Variants in PCDHA4 observed in about 807,000 individuals in gnomAD.
PCDHA4 encodes protocadherin alpha-4.
Under a neutral mutation model 61.4 loss-of-function variants are expected in PCDHA4, and 49 were observed. That is an observed-to-expected ratio of 0.80 (90% CI 0.63 to 1.01). PCDHA4 has a LOEUF of 1.01. Among genes scored for constraint, PCDHA4 ranks in the 50% least tolerant of loss-of-function variants. The probability of loss-of-function intolerance (pLI) is 0.00; values close to 1 mark genes in which losing one functional copy is unlikely to be tolerated. For synonymous variants in PCDHA4, 590 were observed against 550.3 expected, an observed-to-expected ratio of 1.07 and a Z score of -1.01; for missense variants, 1,254 against 1,235.8, an observed-to-expected ratio of 1.01 and a Z score of -0.22.
intron 1 of PCDHA4, among the ~76,000 whole-genome samples, chr5:140,827,602 C>T (rs2150148400): frequency 1.3e-5 from 2 of 152,268 alleles, no homozygotes; most frequent in Non-Finnish European, 2.9e-5. Flanking sequence ...CAGATGTGGG[C>T]AAGTTTCTTT....
At chr5:140,882,367 C>G in intron 1 of PCDHA4, 22 of 1,614,228 alleles carry the variant, frequency 1.4e-5, no homozygotes, top group Non-Finnish European at 1.7e-5. Flanking sequence ...AGCTCCACTA[C>G]TCCGTCCCCG....
intron 1 of PCDHA4, chr5:140,871,144 A>T (rs1554165205): frequency 6.2e-7 from 1 of 1,613,222 alleles, no homozygotes; most frequent in African/African-American, 1.3e-5. Context: ...CTCTTCCCGG[A>T]CTTTGGCGGG....
intron 1 of PCDHA4, among the ~76,000 whole-genome samples, chr5:140,969,831 G>A (rs559083785): frequency 3.9e-4 from 60 of 152,296 alleles, no homozygotes; most frequent in African/African-American, 1.4e-3. Context: ...TGTCTACAGT[G>A]GAAATTATCT....
rs1285443769 is a variant in PCDHA4, at chr5:141,010,273, G to A, written c.*336G>A. 3.9e-6 allele frequency: 6 copies of A among 1,551,420 alleles called. No individual in the cohort carries two copies. The African/African-American group carries it at 8.2e-5, about 21-fold the overall frequency. Reference sequence around the variant, plus strand: ...CTCTGCCCTGTGCTCCGGGGATCCTGTCTTGATGACACTTGCAGGGCAGGC... The same window carrying A: ...CTCTGCCCTGTGCTCCGGGGATCCTATCTTGATGACACTTGCAGGGCAGGC... On this transcript the variant is annotated 3_prime_UTR_variant, in exon 4 of 4. Coordinates refer to ENST00000530339, the MANE Select transcript of PCDHA4 (RefSeq NM_018907.4).
intron 1 of PCDHA4, among the ~76,000 whole-genome samples, chr5:140,878,898 G>A (rs2057763490): frequency 6.6e-6 from 1 of 152,154 alleles, no homozygotes; most frequent in South Asian, 2.1e-4. Flanking sequence ...ACTACAGGCA[G>A]GCTCCACCAC....
intron 1 of PCDHA4, chr5:140,822,281 AC>A (rs1562263769): frequency 1.2e-6 from 2 of 1,614,142 alleles, no homozygotes; most frequent in Non-Finnish European, 1.7e-6. Flanking sequence ...CAATTGAGAT[AC>A]AGGTTAAATC....
chr5:140,836,653 G>T lies in PCDHA4; in HGVS notation c.2385+27081G>T, dbSNP rs2150266924. ...TCATTCTCCCAGCAGAGGCGGCAGA[G>T]GGTGTGCTCTGGGGAGGGCCCACCC... On this transcript the variant is annotated intron_variant, in intron 1 of 3. Transcript: ENST00000530339. The T allele has an allele frequency of 1.9e-5, 30 of 1,613,390 alleles. 1 individual carries two copies. Among genetic ancestry groups the T allele is most frequent in the African/African-American group, 4.0e-5 (3 of 74,806 alleles).
chr5:140,966,690 G>T, intron 1 of PCDHA4: 1 of 1,349,568 alleles, frequency 7.4e-7, no homozygotes, highest in Non-Finnish European at 9.5e-7. Context: ...AGCGGAGGCG[G>T]GGCCCGGGCG....
At chr5:140,823,033 T>C (rs2150121550) in intron 1 of PCDHA4, 1 of 1,614,218 alleles carries the variant, frequency 6.2e-7, no homozygotes, top group South Asian at 1.1e-5. Flanking sequence ...CGTGTCGGTC[T>C]ATGAGCTGGT....
At chr5:140,894,632 TATC>T (rs1161134901) in intron 1 of PCDHA4, among the ~76,000 whole-genome samples, 1 of 151,990 alleles carries the variant, frequency 6.6e-6, no homozygotes, top group Non-Finnish European at 1.5e-5. Context: ...TCTCCAATCA[TATC>T]ATTACTGAGT....
intron 1 of PCDHA4, chr5:140,841,169 T>G (rs1426185957): frequency 4.1e-6 from 4 of 972,304 alleles, no homozygotes; most frequent in Non-Finnish European, 6.0e-6. Context: ...GAAGTTCTGG[T>G]TGGTCAATGT....
intron 1 of PCDHA4, among the ~76,000 whole-genome samples, chr5:140,939,868 T>C (rs868982739): frequency 2.6e-5 from 4 of 152,340 alleles, no homozygotes; most frequent in Middle Eastern, 6.8e-3. Flanking sequence ...CATTAGGTCA[T>C]CTTTGCTAGT....
In PCDHA4 at chr5:140,998,789, C is replaced by T. The variant is rs920510450; in HGVS notation, c.2534-10838C>T. On this transcript the variant is annotated intron_variant, in intron 3 of 3. Transcript: ENST00000530339. ...ATGTTGGTCAGGCTGGTCTGGAACC[C>T]CTGACCTCAGGTGATCTGCCTGCCT... 4.6e-5 allele frequency among the ~76,000 whole-genome samples: 7 copies of T among 152,118 alleles called. 1 individual carries two copies. Among genetic ancestry groups the T allele is most frequent in the Admixed American group, 2.6e-4 (4 of 15,262 alleles).
At chr5:140,888,189 T>C (rs1554183360) in intron 1 of PCDHA4, among the ~76,000 whole-genome samples, 2 of 152,344 alleles carry the variant, frequency 1.3e-5, no homozygotes. Flanking sequence ...TTGTGAATTT[T>C]ACATTGTCGG....
At chr5:140,868,946 G>A in intron 1 of PCDHA4, 1 of 1,292,214 alleles carries the variant, frequency 7.7e-7, no homozygotes, top group Middle Eastern at 2.5e-4. Flanking sequence ...TCTGAACAGT[G>A]AGGCACTCCC....
intron 1 of PCDHA4, among the ~76,000 whole-genome samples, chr5:140,846,137 A>G (rs1253647422): frequency 1.3e-5 from 2 of 149,716 alleles, no homozygotes; most frequent in Non-Finnish European, 3.0e-5. Flanking sequence ...TATGTTTCCC[A>G]TATTTAAAAG....
chr5:140,835,869 G>T (rs781933371), intron 1 of PCDHA4: 1 of 1,612,094 alleles, frequency 6.2e-7, no homozygotes, highest in Non-Finnish European at 8.5e-7. Context: ...CTCGCTGGTG[G>T]AGCTGCGGGT....
chr5:140,822,222 G>C (rs2150114654), intron 1 of PCDHA4: 1 of 1,614,212 alleles, frequency 6.2e-7, no homozygotes, highest in South Asian at 1.1e-5. Flanking sequence ...TGCCAGATTC[G>C]CGGTTTCCGC....
chr5:140,995,679 T>C (rs2153934903), intron 3 of PCDHA4, among the ~76,000 whole-genome samples: 1 of 152,322 alleles, frequency 6.6e-6, no homozygotes, highest in Non-Finnish European at 1.5e-5. Context: ...GCAGCATTTT[T>C]TTTAATTGTT....
Sources: allele counts gnomAD v4.1 joint callset (sites outside exome capture counted in the v4.1 genomes callset), GRCh38; gene constraint gnomAD v4.1.1; transcripts MANE v1.5; gene names NCBI Gene and HGNC (gene_info 2026-07-23, HGNC 2026-07-21).